The following GRID2 variants were observed in gnomAD, a reference collection of about 807,000 sequenced individuals.
GRID2 encodes glutamate receptor ionotropic, delta-2.
Under a neutral mutation model 114.8 loss-of-function variants are expected in GRID2, and 33 were observed. The observed-to-expected ratio is 0.29, with a 90% CI of 0.22 to 0.38. GRID2 has a LOEUF of 0.38. Among genes scored for constraint, GRID2 ranks in the 10% least tolerant of loss-of-function variants. GRID2 has a pLI of 1.00. For synonymous variants in GRID2, 505 were observed against 449.9 expected, an observed-to-expected ratio of 1.12 and a Z score of -1.55; for missense variants, 1,184 against 1,257.7, an observed-to-expected ratio of 0.94 and a Z score of 0.89.
chr4:92,528,484 C>T (rs62307816), intron 1 of GRID2, among the ~76,000 whole-genome samples: 32,579 of 151,634 alleles, frequency 0.21, 4,224 homozygotes, highest in Non-Finnish European at 0.29. Context: ...TTGTCAATAA[C>T]TTTCAAAATT....
chr4:93,275,422 G>A (rs1261763088), intron 8 of GRID2, among the ~76,000 whole-genome samples: 1 of 93,054 alleles, frequency 1.1e-5, no homozygotes, highest in African/African-American at 5.4e-5. Flanking sequence ...CATTTCTGTT[G>A]GATATATACA....
chr4:92,826,308 T>C lies in GRID2; in HGVS notation c.244+236022T>C, dbSNP rs190141155. ...AGCTTCATGGATTGATTCCTAAGAC[T>C]CTTTTGCTCTTTACATTAATCTTCC... On this transcript the variant is annotated intron_variant, in intron 2 of 15. Coordinates refer to ENST00000282020, the MANE Select transcript of GRID2 (RefSeq NM_001510.4). 1.3e-4 allele frequency among the ~76,000 whole-genome samples: 20 copies of C among 152,248 alleles called. No homozygotes were observed. The East Asian group carries it at 3.9e-3, about 29-fold the overall frequency.
In GRID2 at chr4:93,145,299, C is replaced by T. The variant is rs116127063; in HGVS notation, c.735+34346C>T. ...GCTTTTTACTACTATGTTTCTAGCACGTAGAGCAGTGTCTAACACATACTA... is the reference window on the plus strand; with the variant it reads ...GCTTTTTACTACTATGTTTCTAGCATGTAGAGCAGTGTCTAACACATACTA... On this transcript the variant is annotated intron_variant, in intron 4 of 15. Coordinates refer to ENST00000282020, the MANE Select transcript of GRID2 (RefSeq NM_001510.4). 4.5e-3 allele frequency among the ~76,000 whole-genome samples: 678 copies of T among 151,984 alleles called. 5 individuals carry two copies. Among genetic ancestry groups the T allele is most frequent in the African/African-American group, 0.015 (630 of 41,450 alleles).
chr4:93,407,459 C>A (rs755752399), intron 9 of GRID2, among the ~76,000 whole-genome samples: 1 of 151,930 alleles, frequency 6.6e-6, no homozygotes, highest in Non-Finnish European at 1.5e-5. Flanking sequence ...AATGATCGGT[C>A]GAAATACAGA....
intron 8 of GRID2, among the ~76,000 whole-genome samples, chr4:93,368,277 C>A (rs17020508): frequency 3.9e-5 from 6 of 151,944 alleles, no homozygotes; most frequent in African/African-American, 1.5e-4. Context: ...AATCAGTAAC[C>A]TCTAGAAACT....
chr4:92,990,283 G>GTATATATATATATATATATA (rs768992597), intron 2 of GRID2, among the ~76,000 whole-genome samples: 1 of 49,082 alleles, frequency 2.0e-5, no homozygotes, highest in East Asian at 4.4e-4. Context: ...GTAGATATGT[G>GTATATATATATATATATATA]TGTGTATATA....
At chr4:92,411,655 G>GTGTATATATATATATATATATATATA in intron 1 of GRID2, among the ~76,000 whole-genome samples, 154 of 84,582 alleles carry the variant, frequency 1.8e-3, no homozygotes, top group African/African-American at 4.0e-3. Flanking sequence ...GTGTGTGTGT[G>GTGTATATATATATATATATATATATA]TATATATATA....
chr4:92,377,828 G>T (rs898473807), intron 1 of GRID2, among the ~76,000 whole-genome samples: 1 of 152,140 alleles, frequency 6.6e-6, no homozygotes, highest in South Asian at 2.1e-4. Flanking sequence ...TACAAGAATA[G>T]CATGGGAAAG....
chr4:92,784,613 AT>A (rs1270171781), intron 2 of GRID2, among the ~76,000 whole-genome samples: 5 of 151,968 alleles, frequency 3.3e-5, no homozygotes, highest in African/African-American at 1.2e-4. Context: ...AAAATATGAA[AT>A]GATAAAATGT....
intron 2 of GRID2, among the ~76,000 whole-genome samples, chr4:92,778,595 A>G (rs1738917696): frequency 6.6e-6 from 1 of 152,092 alleles, no homozygotes; most frequent in Non-Finnish European, 1.5e-5. Flanking sequence ...TAAACGGTAT[A>G]TATCTTTGGC....
At chr4:93,472,287 C>T (rs1297499034) in intron 11 of GRID2, among the ~76,000 whole-genome samples, 1 of 151,886 alleles carries the variant, frequency 6.6e-6, no homozygotes, top group Non-Finnish European at 1.5e-5. Context: ...CACGCCATTG[C>T]ACTCTAACCT....
In GRID2 at chr4:92,336,372, T is replaced by A. The variant is rs992326336; in HGVS notation, c.88+31628T>A. 2.6e-5 allele frequency among the ~76,000 whole-genome samples: 4 copies of A among 152,140 alleles called. No individual in the cohort carries two copies. The East Asian group carries it at 7.7e-4, about 29-fold the overall frequency. ...CTCCAACCTCCTAACCAATTAAACA[T>A]GAGTCCCATTGTTTCTGCTTCCTAA... is the stretch of plus-strand genomic sequence containing the variant. On this transcript the variant is annotated intron_variant, in intron 1 of 15. Transcript: ENST00000282020.
At chr4:92,989,698 A>G (rs1393272588) in intron 2 of GRID2, among the ~76,000 whole-genome samples, 1 of 152,186 alleles carries the variant, frequency 6.6e-6, no homozygotes, top group Non-Finnish European at 1.5e-5. Flanking sequence ...ACACACCAAT[A>G]TATGCATCTG....
In GRID2 at chr4:92,476,023, C is replaced by CTTTTTT. The variant is rs752757998; in HGVS notation, c.89-114095_89-114090dup. Among the ~76,000 whole-genome samples the CTTTTTT allele has an allele frequency of 2.2e-4, 27 of 125,124 alleles. 2 individuals carry two copies. The highest frequency in any genetic ancestry group is 2.3e-4 in the Non-Finnish European group (14 of 60,008). 82.1% of individuals were successfully genotyped at this position (125,124 alleles called of 152,430 possible). On this transcript the variant is annotated intron_variant, in intron 1 of 15. Coordinates refer to ENST00000282020, the MANE Select transcript of GRID2 (RefSeq NM_001510.4). ...TACTGATTTAAGAAATTCAGTGCTT[C>CTTTTTT]TTTTTTTTTTTTTTTTTTGTGACGG... is the stretch of plus-strand genomic sequence containing the variant.
intron 2 of GRID2, among the ~76,000 whole-genome samples, chr4:92,849,470 A>G (rs1321422691): frequency 1.3e-5 from 2 of 151,908 alleles, no homozygotes; most frequent in Non-Finnish European, 2.9e-5. Context: ...AAGGCAGGTA[A>G]AAGGCATGAC....
chr4:92,493,147 AGAATT>A (rs1325412640), intron 1 of GRID2, among the ~76,000 whole-genome samples: 16 of 151,220 alleles, frequency 1.1e-4, no homozygotes, highest in South Asian at 1.0e-3. Flanking sequence ...AAAAAAAAAA[AGAATT>A]GAATTGAATA....
At chr4:93,272,292 G>C (rs989776224) in intron 8 of GRID2, among the ~76,000 whole-genome samples, 5 of 152,172 alleles carry the variant, frequency 3.3e-5, no homozygotes, top group African/African-American at 9.7e-5. Context: ...AAAAGGATAT[G>C]TCAGGTGGCA....
intron 13 of GRID2, among the ~76,000 whole-genome samples, chr4:93,601,214 T>C (rs58107339): frequency 2.0e-5 from 3 of 152,122 alleles, no homozygotes; most frequent in African/African-American, 7.2e-5. Context: ...AAATATAGCA[T>C]GATTATGGTT....
At chr4:92,412,301 G>A (rs1731377423) in intron 1 of GRID2, among the ~76,000 whole-genome samples, 1 of 151,826 alleles carries the variant, frequency 6.6e-6, no homozygotes, top group Non-Finnish European at 1.5e-5. Flanking sequence ...CTTATTTATT[G>A]CATATTTTTA....
Sources: allele counts gnomAD v4.1 joint callset (sites outside exome capture counted in the v4.1 genomes callset), GRCh38; gene constraint gnomAD v4.1.1; transcripts MANE v1.5; gene names NCBI Gene and HGNC (gene_info 2026-07-23, HGNC 2026-07-21).